Variants in RAD54B observed in about 807,000 individuals in gnomAD.
RAD54B encodes the protein RAD54 homolog B, also known as DNA repair and recombination protein RAD54B.
In RAD54B, 78 loss-of-function variants were observed where a neutral mutation model predicts 95.8. That is an observed-to-expected ratio of 0.81 (90% CI 0.68 to 0.98). RAD54B has a LOEUF of 0.98. RAD54B is among the 50% of genes least tolerant of loss of function. The pLI is 0.00. For synonymous variants in RAD54B, 328 were observed against 354.9 expected, an observed-to-expected ratio of 0.92 and a Z score of 0.85; for missense variants, 957 against 1,056.6, an observed-to-expected ratio of 0.91 and a Z score of 1.31.
chr8:94,378,145 T>G (rs776931187), intron 14 of RAD54B, 35 bp downstream of exon 14: 1 of 1,433,532 alleles, frequency 7.0e-7, no homozygotes, highest in East Asian at 2.4e-5. Flanking sequence ...TAAATTAACT[T>G]TACTACATAG....
intron 5 of RAD54B, among the ~76,000 whole-genome samples, chr8:94,406,650 C>G (rs1361658578): frequency 1.3e-5 from 2 of 152,142 alleles, no homozygotes; most frequent in Non-Finnish European, 2.9e-5. Context: ...CTCTTTACTT[C>G]AAAACTTATG....
chr8:94,396,968 T>C (rs1037189870), intron 8 of RAD54B, among the ~76,000 whole-genome samples: 2 of 152,090 alleles, frequency 1.3e-5, no homozygotes, highest in Admixed American at 6.6e-5. Context: ...GAGACCTCAA[T>C]AGAAACCAAA....
At chr8:94,397,069 G>T (rs1222408480) in intron 8 of RAD54B, among the ~76,000 whole-genome samples, 1 of 152,136 alleles carries the variant, frequency 6.6e-6, no homozygotes, top group Non-Finnish European at 1.5e-5. Flanking sequence ...TGCTATGGCA[G>T]TGCTACAAGA....
Position 94,411,120 on chromosome 8 carries a change from C to T in RAD54B, c.499+1G>A. ...GTAAACATTAGGTAGTATCATAATA[C>T]CTCTTCCAATGTCTTTGCCTTCCAA... On this transcript the variant is annotated splice_donor_variant, in intron 4 of 14. Coordinates refer to ENST00000336148, the MANE Select transcript of RAD54B (RefSeq NM_012415.3). LOFTEE classifies it high-confidence loss of function. The T allele has an allele frequency of 6.3e-7, 1 of 1,596,424 alleles. No individual in the cohort carries two copies. The highest frequency in any genetic ancestry group is 8.5e-7 in the Non-Finnish European group (1 of 1,170,846).
chr8:94,400,664 T>G (rs2130009441), intron 6 of RAD54B, among the ~76,000 whole-genome samples: 1 of 152,288 alleles, frequency 6.6e-6, no homozygotes, highest in African/African-American at 2.4e-5. Context: ...AACATAAATC[T>G]GAAATTAGAG....
At chr8:94,430,574 T>A in intron 3 of RAD54B, 1 of 668,838 alleles carries the variant, frequency 1.5e-6, no homozygotes, top group Non-Finnish European at 1.8e-6. Flanking sequence ...TTTACATTTC[T>A]AACAAGTTCT....
intron 10 of RAD54B, among the ~76,000 whole-genome samples, chr8:94,391,155 G>C (rs957757285): frequency 6.6e-6 from 1 of 151,868 alleles, no homozygotes; most frequent in African/African-American, 2.4e-5. Flanking sequence ...AGCTTAAGAT[G>C]ATTTTTATTT....
chr8:94,403,093 T>C (rs1380236961), intron 6 of RAD54B, among the ~76,000 whole-genome samples: 1 of 152,194 alleles, frequency 6.6e-6, no homozygotes, highest in Non-Finnish European at 1.5e-5. Context: ...CTTGTCATCA[T>C]TCAAGGAGTT....
intron 6 of RAD54B, among the ~76,000 whole-genome samples, chr8:94,401,275 CTTCT>C (rs554206441): frequency 6.6e-6 from 1 of 152,004 alleles, no homozygotes; most frequent in South Asian, 2.1e-4. Flanking sequence ...TCTTGCCTCC[CTTCT>C]ATCTCCTCCA....
chr8:94,407,756 C>CT, intron 4 of RAD54B, 36 bp from the exon 5 acceptor site: 1 of 1,561,132 alleles, frequency 6.4e-7, no homozygotes, highest in Non-Finnish European at 8.7e-7. Context: ...AATTGACACT[C>CT]TATGATACCA....
intron 3 of RAD54B, among the ~76,000 whole-genome samples, chr8:94,447,746 T>C (rs1295035379): frequency 6.6e-6 from 1 of 152,108 alleles, no homozygotes; most frequent in African/African-American, 2.4e-5. Flanking sequence ...CTGCCTGTCA[T>C]GAGATAGATG....
chr8:94,470,376 A>C (rs1211193176), intron 1 of RAD54B, among the ~76,000 whole-genome samples: 1 of 152,198 alleles, frequency 6.6e-6, no homozygotes, highest in Non-Finnish European at 1.5e-5. Flanking sequence ...AGGTGAGTGG[A>C]TCACCTGAGG....
intron 14 of RAD54B, among the ~76,000 whole-genome samples, chr8:94,374,005 C>T (rs910335174): frequency 1.1e-4 from 17 of 152,206 alleles, no homozygotes; most frequent in South Asian, 6.2e-4. Context: ...CAAGGCCGGG[C>T]GCAGTGGCTC....
At chr8:94,443,453 A>AT (rs1176462570) in intron 3 of RAD54B, among the ~76,000 whole-genome samples, 2 of 152,032 alleles carry the variant, frequency 1.3e-5, no homozygotes, top group South Asian at 2.1e-4. Flanking sequence ...CTGCATATGT[A>AT]CCCCTGAACT....
Position 94,372,029 on chromosome 8 carries a change from A to G in RAD54B, c.*141T>C, listed in dbSNP as rs1340863977. 3 of 1,353,222 alleles carry G rather than the reference A, an allele frequency of 2.2e-6. No homozygotes were observed. The highest frequency in any genetic ancestry group is 1.7e-5 in the South Asian group (1 of 58,126). The allele number at this position is 1,353,222 out of a possible 1,614,324, so 83.8% of individuals were successfully genotyped here. On this transcript the variant is annotated 3_prime_UTR_variant, in exon 15 of 15. Coordinates refer to ENST00000336148, the MANE Select transcript of RAD54B (RefSeq NM_012415.3). ...TATTTACAAAACATTAAACCACTCAATTTTGACTATTGTATCAAAAGTGAT... is the reference window on the plus strand; with the variant it reads ...TATTTACAAAACATTAAACCACTCAGTTTTGACTATTGTATCAAAAGTGAT...
chr8:94,446,314 G>A (rs1457310576), intron 3 of RAD54B, among the ~76,000 whole-genome samples: 1 of 152,158 alleles, frequency 6.6e-6, no homozygotes, highest in Non-Finnish European at 1.5e-5. Flanking sequence ...AGAATTATAT[G>A]CCTTATTAAT....
intron 3 of RAD54B, among the ~76,000 whole-genome samples, chr8:94,444,520 C>T (rs1334645966): frequency 6.6e-6 from 1 of 151,318 alleles, no homozygotes; most frequent in Non-Finnish European, 1.5e-5. Context: ...AAAATGAAAA[C>T]AAAAAACATC....
At chr8:94,387,210 A>AGGAG in intron 10 of RAD54B, 51 bp from the exon 11 acceptor site, 1 of 1,438,644 alleles carries the variant, frequency 7.0e-7, no homozygotes, top group Non-Finnish European at 9.3e-7. Context: ...TTTTTTAATT[A>AGGAG]GGAGGGGAAA....
chr8:94,430,890 T>C, intron 3 of RAD54B: 1 of 985,418 alleles, frequency 1.0e-6, no homozygotes, highest in East Asian at 1.1e-4. Context: ...TGACTCTCTC[T>C]ACATTCACTT....
Sources: gnomAD v4.1 joint callset for allele counts (sites outside exome capture counted in the v4.1 genomes callset) on GRCh38, gnomAD v4.1.1 for gene constraint, MANE v1.5 for transcripts, NCBI Gene and HGNC (gene_info 2026-07-23, HGNC 2026-07-21) for gene names.